VSTM1: variants seen among roughly 807,000 people sequenced by gnomAD.
VSTM1 encodes the protein V-set and transmembrane domain-containing protein 1.
Under a neutral mutation model 33.1 loss-of-function variants are expected in VSTM1, and 27 were observed. That is an observed-to-expected ratio of 0.82 (90% CI 0.60 to 1.12). The LOEUF (loss-of-function observed/expected upper bound fraction) is 1.12. Among genes scored for constraint, VSTM1 ranks in the 50% most tolerant of loss-of-function variants. VSTM1 has a pLI of 0.00. For missense variants in VSTM1, 304 were observed against 288.9 expected, an observed-to-expected ratio of 1.05 and a Z score of -0.38; for synonymous variants, 115 against 110.3, an observed-to-expected ratio of 1.04 and a Z score of -0.27.
chr19:54,051,313 A>G (rs1435967285), intron 4 of VSTM1, 97 bp downstream of exon 4: 2 of 1,113,976 alleles, frequency 1.8e-6, no homozygotes. Flanking sequence ...AAACAAACAA[A>G]CAAACAAATA....
intron 8 of VSTM1, 47 bp downstream of exon 8, chr19:54,041,732 A>G (rs767079231): frequency 6.3e-7 from 1 of 1,598,486 alleles, no homozygotes; most frequent in Non-Finnish European, 8.5e-7. Context: ...CGACCAGCCC[A>G]TTGTGGTGAG....
At chr19:54,062,118 G>A (rs1600172556) in intron 1 of VSTM1, among the ~76,000 whole-genome samples, 1 of 151,362 alleles carries the variant, frequency 6.6e-6, no homozygotes, top group Middle Eastern at 3.4e-3. Context: ...TCATGCCACT[G>A]CACTCTAGCC....
At chr19:54,044,271 A>AC (rs780663831) in intron 4 of VSTM1, among the ~76,000 whole-genome samples, 1 of 152,084 alleles carries the variant, frequency 6.6e-6, no homozygotes, top group Non-Finnish European at 1.5e-5. Context: ...GAAAAGAATG[A>AC]CCAGTGGCCG....
At chr19:54,051,126 T>C (rs571674627) in intron 4 of VSTM1, among the ~76,000 whole-genome samples, 2 of 150,112 alleles carry the variant, frequency 1.3e-5, no homozygotes, top group East Asian at 4.0e-4. Flanking sequence ...ACCCCGTCTC[T>C]ACTAAAAATA....
At chr19:54,060,132 A>G (rs1443793879) in intron 1 of VSTM1, among the ~76,000 whole-genome samples, 2 of 152,026 alleles carry the variant, frequency 1.3e-5, no homozygotes, top group African/African-American at 2.4e-5. Context: ...GATTACAGGC[A>G]TCAGCCACCG....
intron 6 of VSTM1, 87 bp from the exon 7 acceptor site, chr19:54,042,040 G>C: frequency 1.2e-6 from 2 of 1,604,442 alleles, no homozygotes; most frequent in Non-Finnish European, 1.7e-6. Flanking sequence ...GAAGGGAGAA[G>C]AAGGGAGAGG....
rs377596506 is a variant in VSTM1, at chr19:54,042,200, C to T, written c.488-4G>A. 110 of 1,613,758 alleles carry T rather than the reference C, an allele frequency of 6.8e-5. No individual in the cohort carries two copies. The highest frequency in any genetic ancestry group is 3.2e-4 in the African/African-American group (24 of 74,844). ...GTGGATTCCTCAGATGATGAACCTA[C>T]AAAAAATGCAGGAGGAATTTACCTA... On this transcript the variant is annotated splice_region_variant and splice_polypyrimidine_tract_variant and intron_variant, in intron 5 of 8. Transcript: ENST00000338372.
At chr19:54,060,890 G>C (rs144153193) in intron 1 of VSTM1, among the ~76,000 whole-genome samples, 2 of 151,702 alleles carry the variant, frequency 1.3e-5, no homozygotes, top group African/African-American at 4.8e-5. Flanking sequence ...GAGGACTCAC[G>C]ATGTTGCCCA....
intron 1 of VSTM1, among the ~76,000 whole-genome samples, chr19:54,059,188 G>A (rs1293737596): frequency 6.7e-6 from 1 of 150,288 alleles, no homozygotes; most frequent in Non-Finnish European, 1.5e-5. Context: ...AGCCTCCCGA[G>A]TAGCTGGGAC....
chr19:54,048,526 A>T, intron 4 of VSTM1: 1 of 180,078 alleles, frequency 5.6e-6, no homozygotes, highest in South Asian at 7.8e-5. Context: ...AAAAAAGAAA[A>T]GTAAGTGTTG....
chr19:54,041,352 A>G (rs1369301726), intron 8 of VSTM1, among the ~76,000 whole-genome samples: 1 of 151,690 alleles, frequency 6.6e-6, no homozygotes, highest in Non-Finnish European at 1.5e-5. Context: ...CCCAGGCTGG[A>G]GTGCGGTGGC....
Position 54,063,861 on chromosome 19 carries a change from C to G in VSTM1, c.-84G>C. The G allele has an allele frequency of 6.7e-7, 1 of 1,495,000 alleles. No homozygotes were observed. Among genetic ancestry groups the G allele is most frequent in the Non-Finnish European group, 9.1e-7 (1 of 1,096,718 alleles). 92.6% of individuals were successfully genotyped at this position (1,495,000 alleles called of 1,614,324 possible). ...CGGGACTGGGCCGGCCGCAGCTCTCCGGCTGCCCGGTTCGTCCCCAGGATG... is the reference window on the plus strand; with the variant it reads ...CGGGACTGGGCCGGCCGCAGCTCTCGGGCTGCCCGGTTCGTCCCCAGGATG... On this transcript the variant is annotated 5_prime_UTR_variant, in exon 1 of 9. Coordinates refer to ENST00000338372, the MANE Select transcript of VSTM1 (RefSeq NM_198481.4).
chr19:54,058,820 G>T (rs1446359258), intron 1 of VSTM1, 88 bp from the exon 2 acceptor site: 3 of 884,532 alleles, frequency 3.4e-6, no homozygotes, highest in Non-Finnish European at 3.6e-6. Flanking sequence ...CTCTTTATAG[G>T]TCTGAGATAT....
rs2071113121 is a variant in VSTM1 at position 54,056,630 on chromosome 19, G to A, written c.355+1676C>T. ...GGTGCTTCCCCACATACTCCCCCCA[G>A]TATAGCCTTCCTCCTCCTCTTGGGA... On this transcript the variant is annotated intron_variant, in intron 3 of 8. Coordinates refer to ENST00000338372, the MANE Select transcript of VSTM1 (RefSeq NM_198481.4). Among the ~76,000 whole-genome samples, 2 of 139,760 alleles carry A rather than the reference G, an allele frequency of 1.4e-5. 1 individual carries two copies. Among genetic ancestry groups the A allele is most frequent in the Admixed American group, 1.5e-4 (2 of 13,500 alleles). The allele number at this position is 139,760 out of a possible 152,430, so 91.7% of individuals were successfully genotyped here.
rs1456821440 is a variant in VSTM1, at chr19:54,063,768, C to T, written c.10G>A (p.Glu4Lys). The T allele has an allele frequency of 6.2e-7, 1 of 1,613,936 alleles. No individual in the cohort carries two copies. Among genetic ancestry groups the T allele is most frequent in the South Asian group, 1.1e-5 (1 of 90,996 alleles). MTAEFLSLLCLGLC... is the reference protein window; with the variant it reads MTAKFLSLLCLGLC... ...CCGAGGCAAAGCAGGGAGAGGAATT[C>T]TGCGGTCATAGCGTCCCTTCTGCCA... Residue 4 changes from glutamate to lysine, a missense_variant, in exon 1 of 9, where the codon GAA (glutamate) becomes AAA (lysine). Glu to Lys is a moderately conservative substitution (Grantham distance 56). Transcript: ENST00000338372.
chr19:54,061,016 C>CTTTTTTTTTTTTTTTTTT (rs10693760), intron 1 of VSTM1, among the ~76,000 whole-genome samples: 1 of 115,028 alleles, frequency 8.7e-6, no homozygotes. Flanking sequence ...TTTTTCTTTT[C>CTTTTTTTTTTTTTTTTTT]TTTTTTTTTT....
At position 54,046,545 on chromosome 19, in the gene VSTM1, T is replaced by C. The variant is rs114523196; in HGVS notation, c.395-4176A>G. 3.5e-3 allele frequency among the ~76,000 whole-genome samples: 537 copies of C among 152,238 alleles called. 4 individuals are homozygous for C. The highest frequency in any genetic ancestry group is 0.012 in the African/African-American group (493 of 41,544). On this transcript the variant is annotated intron_variant, in intron 4 of 8. Transcript: ENST00000338372. Reference sequence around the variant, plus strand: ...ATTTTTTTTCACCCAATATTCCACCTACACCCATCTCTCTCTGTAATAGAT... The same window carrying C: ...ATTTTTTTTCACCCAATATTCCACCCACACCCATCTCTCTCTGTAATAGAT...
intron 4 of VSTM1, 130 bp from the exon 5 acceptor site, chr19:54,042,499 G>A: frequency 7.5e-7 from 1 of 1,341,654 alleles, no homozygotes; most frequent in Non-Finnish European, 9.9e-7. Context: ...CCTCGGAGCT[G>A]GAACTTCCTA....
intron 1 of VSTM1, among the ~76,000 whole-genome samples, chr19:54,061,766 G>A (rs1176130623): frequency 6.6e-6 from 1 of 151,998 alleles, no homozygotes; most frequent in African/African-American, 2.4e-5. Flanking sequence ...GTGAGCTATG[G>A]TGGTACCACT....
Sources: allele counts gnomAD v4.1 joint callset (sites outside exome capture counted in the v4.1 genomes callset), GRCh38; gene constraint gnomAD v4.1.1; transcripts MANE v1.5; gene names NCBI Gene and HGNC (gene_info 2026-07-23, HGNC 2026-07-21).